Variants in DIAPH3 observed in about 807,000 individuals in gnomAD.
The protein encoded by DIAPH3 is protein diaphanous homolog 3.
Under a neutral mutation model 144.3 loss-of-function variants are expected in DIAPH3, and 117 were observed. The observed-to-expected ratio is 0.81, with a 90% CI of 0.70 to 0.95. The LOEUF (loss-of-function observed/expected upper bound fraction) is 0.95, where lower values mean the gene tolerates loss of function less well. Ranked by LOEUF, DIAPH3 falls within the 40% of genes least tolerant of loss-of-function variation. DIAPH3 has a pLI of 0.00. For missense variants in DIAPH3, 1,421 were observed against 1,412.7 expected (o/e 1.01, Z -0.09); for synonymous variants, 519 against 488.9 (o/e 1.06, Z -0.81).
At chr13:59,792,444 G>C (rs1321811730) in intron 25 of DIAPH3, among the ~76,000 whole-genome samples, 1 of 152,160 alleles carries the variant, frequency 6.6e-6, no homozygotes, top group Non-Finnish European at 1.5e-5. Flanking sequence ...CCATCATCTT[G>C]TGAGAATTCA....
At chr13:59,788,218 A>T (rs1167750380) in intron 25 of DIAPH3, among the ~76,000 whole-genome samples, 2 of 152,208 alleles carry the variant, frequency 1.3e-5, no homozygotes, top group East Asian at 1.9e-4. Flanking sequence ...AATTATGATA[A>T]ATCAGTATTG....
chr13:59,828,438 CA>C (rs967956922), intron 24 of DIAPH3, among the ~76,000 whole-genome samples: 1 of 151,738 alleles, frequency 6.6e-6, no homozygotes. Flanking sequence ...TTATCAAAAA[CA>C]CTCTTAAAAA....
chr13:59,796,661 A>G (rs770838909), intron 25 of DIAPH3, among the ~76,000 whole-genome samples: 3 of 152,234 alleles, frequency 2.0e-5, no homozygotes, highest in Non-Finnish European at 4.4e-5. Context: ...TTTTCTAAAC[A>G]TATCTTTTAC....
At chr13:59,782,071 G>A (rs2038769332) in intron 25 of DIAPH3, among the ~76,000 whole-genome samples, 2 of 151,932 alleles carry the variant, frequency 1.3e-5, no homozygotes, top group South Asian at 2.1e-4. Context: ...CCAGTCTAAG[G>A]TGTTTTTGTT....
intron 27 of DIAPH3, among the ~76,000 whole-genome samples, chr13:59,765,543 AG>A (rs2037825728): frequency 6.6e-6 from 1 of 152,204 alleles, no homozygotes; most frequent in Non-Finnish European, 1.5e-5. Flanking sequence ...TAGTAAGTAA[AG>A]AATTTAAACC....
chr13:60,083,906 CAGATGGATGGAT>C (rs2057652059), intron 4 of DIAPH3, among the ~76,000 whole-genome samples: 1 of 125,266 alleles, frequency 8.0e-6, no homozygotes, highest in African/African-American at 3.2e-5. Flanking sequence ...TATGGATGGA[CAGATGGATGGAT>C]GGATGGATGG....
At chr13:59,980,679 C>A in intron 14 of DIAPH3, 116 bp downstream of exon 14, 1 of 942,158 alleles carries the variant, frequency 1.1e-6, no homozygotes, top group East Asian at 2.5e-5. Context: ...GGCATCTATG[C>A]ACACACCTGA....
intron 24 of DIAPH3, among the ~76,000 whole-genome samples, chr13:59,817,709 T>G (rs1419019767): frequency 1.3e-5 from 2 of 151,976 alleles, no homozygotes; most frequent in African/African-American, 4.8e-5. Context: ...CTGATTTTTT[T>G]TGGTGTATCC....
chr13:59,702,986 C>T (rs2034197411), intron 27 of DIAPH3, among the ~76,000 whole-genome samples: 1 of 152,130 alleles, frequency 6.6e-6, no homozygotes, highest in African/African-American at 2.4e-5. Flanking sequence ...ACTGTATGCC[C>T]CTCATGCTCG....
At chr13:59,910,364 G>A (rs181331744) in intron 20 of DIAPH3, among the ~76,000 whole-genome samples, 51 of 152,214 alleles carry the variant, frequency 3.4e-4, no homozygotes, top group Admixed American at 3.0e-3. Flanking sequence ...AGGCGGGGAA[G>A]AGAATACCCT....
At chr13:59,736,885 A>G (rs1015797798) in intron 27 of DIAPH3, among the ~76,000 whole-genome samples, 9 of 152,210 alleles carry the variant, frequency 5.9e-5, no homozygotes, top group African/African-American at 1.9e-4. Context: ...AAACCTGACA[A>G]AAACAAGCAA....
chr13:59,999,410 CT>C (rs1253585312), intron 9 of DIAPH3, among the ~76,000 whole-genome samples: 1 of 152,044 alleles, frequency 6.6e-6, no homozygotes, highest in Non-Finnish European at 1.5e-5. Flanking sequence ...TCTAATTAAA[CT>C]TAATGAAATC....
At chr13:59,848,071 T>C (rs562533373) in intron 22 of DIAPH3, among the ~76,000 whole-genome samples, 1 of 152,272 alleles carries the variant, frequency 6.6e-6, no homozygotes, top group South Asian at 2.1e-4. Flanking sequence ...GCATTCGTTT[T>C]CCAAATACTT....
chr13:59,752,324 C>T (rs1311740002), intron 27 of DIAPH3, among the ~76,000 whole-genome samples: 5 of 151,724 alleles, frequency 3.3e-5, no homozygotes, highest in African/African-American at 1.2e-4. Flanking sequence ...TTTACTTCAG[C>T]TACATTATTA....
Position 59,666,667 on chromosome 13 carries a change from C to T in DIAPH3, c.3499G>A (p.Glu1167Lys), listed in dbSNP as rs775688879. 5 of 1,613,952 alleles carry T rather than the reference C, an allele frequency of 3.1e-6. No individual in the cohort carries two copies. Among genetic ancestry groups the T allele is most frequent in the East Asian group, 2.2e-5 (1 of 44,880 alleles). Residue 1167 changes from glutamate (E) to lysine (K), a missense_variant, in exon 28 of 28, where the codon GAA (glutamate) becomes AAA (lysine). By Grantham distance (56) the Glu-to-Lys change is moderately conservative. Transcript: ENST00000400324. ...GAAAAAGAGCCAAGAAGTTCCGTTT[C>T]CTTTTTTCTGTTGCTTTCTACATTA... ...ACNVESNRKK[E>K]TELLGSFSKN...
intron 17 of DIAPH3, among the ~76,000 whole-genome samples, chr13:59,939,317 A>G (rs534952944): frequency 3.3e-5 from 5 of 152,280 alleles, no homozygotes; most frequent in Middle Eastern, 3.4e-3. Flanking sequence ...TACCTCTCCA[A>G]ATTGTACAAA....
chr13:60,131,025 G>A (rs542792227), intron 2 of DIAPH3, among the ~76,000 whole-genome samples: 1 of 152,150 alleles, frequency 6.6e-6, no homozygotes, highest in African/African-American at 2.4e-5. Context: ...AGTGTGCAAG[G>A]ACTGTCATAT....
intron 5 of DIAPH3, among the ~76,000 whole-genome samples, chr13:60,042,121 A>G (rs1244067195): frequency 6.6e-6 from 1 of 152,094 alleles, no homozygotes; most frequent in Admixed American, 6.6e-5. Context: ...CCCCATTCCA[A>G]AACTGACTTA....
At chr13:60,052,831 T>A (rs1275065766) in intron 4 of DIAPH3, among the ~76,000 whole-genome samples, 1 of 150,838 alleles carries the variant, frequency 6.6e-6, no homozygotes, top group East Asian at 2.0e-4. Flanking sequence ...TTTGGTAGGA[T>A]CCATCTGTAG....
Sources: gnomAD v4.1 joint callset for allele counts (sites outside exome capture counted in the v4.1 genomes callset) on GRCh38, gnomAD v4.1.1 for gene constraint, MANE v1.5 for transcripts, NCBI Gene and HGNC (gene_info 2026-07-23, HGNC 2026-07-21) for gene names.